DNER: variants seen among roughly 807,000 people sequenced by gnomAD.
The protein encoded by DNER is delta and Notch-like epidermal growth factor-related receptor.
Under a neutral mutation model 78.2 loss-of-function variants are expected in DNER, and 33 were observed. The ratio of observed to expected loss-of-function variants is 0.42; its 90% CI spans 0.32 to 0.56. The LOEUF is 0.56. DNER is among the 20% of genes least tolerant of loss of function. DNER has a pLI of 0.11. For missense variants in DNER, 918 were observed against 975.3 expected (o/e 0.94, Z 0.78); for synonymous variants, 417 against 384.8 (o/e 1.08, Z -0.98).
chr2:229,463,774 G>A (rs548185520), intron 7 of DNER, among the ~76,000 whole-genome samples: 14 of 152,300 alleles, frequency 9.2e-5, no homozygotes, highest in African/African-American at 2.2e-4. Context: ...ATTCTGCTGC[G>A]TAGCACGGGA....
intron 1 of DNER, among the ~76,000 whole-genome samples, chr2:229,668,534 GTGTA>G (rs1316686766): frequency 4.2e-3 from 21 of 4,970 alleles, no homozygotes; most frequent in South Asian, 0.021. Flanking sequence ...GTGTGTGTGT[GTGTA>G]TATATATATA....
At chr2:229,663,830 T>A (rs1323282778) in intron 1 of DNER, among the ~76,000 whole-genome samples, 1 of 152,130 alleles carries the variant, frequency 6.6e-6, no homozygotes, top group Non-Finnish European at 1.5e-5. Context: ...GGGTGCAATT[T>A]TTTTGTTGTT....
intron 1 of DNER, among the ~76,000 whole-genome samples, chr2:229,609,646 A>G (rs1415909089): frequency 6.6e-6 from 1 of 152,182 alleles, no homozygotes; most frequent in Non-Finnish European, 1.5e-5. Context: ...TAGGCCCTGA[A>G]TACATGCAAA....
chr2:229,619,585 A>G (rs1314572443), intron 1 of DNER, among the ~76,000 whole-genome samples: 1 of 152,214 alleles, frequency 6.6e-6, no homozygotes, highest in African/African-American at 2.4e-5. Context: ...ATTAATGCCC[A>G]AGATAATGCC....
At chr2:229,451,992 G>A (rs865845560) in intron 7 of DNER, among the ~76,000 whole-genome samples, 2 of 152,154 alleles carry the variant, frequency 1.3e-5, no homozygotes, top group Non-Finnish European at 1.5e-5. Flanking sequence ...GCTTTGGAGA[G>A]AGCCAATATT....
At chr2:229,527,325 C>T (rs970756082) in intron 5 of DNER, among the ~76,000 whole-genome samples, 2 of 152,160 alleles carry the variant, frequency 1.3e-5, no homozygotes, top group African/African-American at 4.8e-5. Context: ...CTCCCCAAAC[C>T]CAGATCCCTG....
chr2:229,642,674 G>T (rs1172872986), intron 1 of DNER, among the ~76,000 whole-genome samples: 1 of 152,194 alleles, frequency 6.6e-6, no homozygotes, highest in East Asian at 1.9e-4. Flanking sequence ...TGTGTAAAAA[G>T]TGCCCATATG....
chr2:229,468,161 C>T (rs1184863721), intron 7 of DNER, among the ~76,000 whole-genome samples: 1 of 152,258 alleles, frequency 6.6e-6, no homozygotes, highest in African/African-American at 2.4e-5. Flanking sequence ...TGTCCTTCTT[C>T]ATTCCTGGGC....
chr2:229,404,422 G>GAA (rs147948482), intron 10 of DNER, among the ~76,000 whole-genome samples: 55,043 of 151,844 alleles, frequency 0.36, 10,442 homozygotes, highest in African/African-American at 0.45. Flanking sequence ...GATCTCATGA[G>GAA]TACTCACTCA....
intron 1 of DNER, among the ~76,000 whole-genome samples, chr2:229,650,084 A>G (rs983029382): frequency 6.6e-6 from 1 of 151,720 alleles, no homozygotes; most frequent in African/African-American, 2.4e-5. Flanking sequence ...AAAAAAAAAA[A>G]AAAAAAAAGA....
At chr2:229,577,330 T>A (rs1345632549) in intron 4 of DNER, among the ~76,000 whole-genome samples, 2 of 152,122 alleles carry the variant, frequency 1.3e-5, no homozygotes, top group Non-Finnish European at 2.9e-5. Flanking sequence ...GGGCCTGACA[T>A]TATGAGAATG....
chr2:229,657,894 G>C (rs1023980243), intron 1 of DNER, among the ~76,000 whole-genome samples: 1 of 152,028 alleles, frequency 6.6e-6, no homozygotes, highest in African/African-American at 2.4e-5. Context: ...AGGGATACCT[G>C]CATTTCAAGG....
At chr2:229,387,718 A>G (rs57991051) in intron 11 of DNER, among the ~76,000 whole-genome samples, 1,916 of 152,228 alleles carry the variant, frequency 0.013, 40 homozygotes, top group African/African-American at 0.044. Context: ...AGTTCACCCT[A>G]AGAGATCACT....
At chr2:229,431,042 A>C (rs550595290) in intron 8 of DNER, among the ~76,000 whole-genome samples, 11 of 152,204 alleles carry the variant, frequency 7.2e-5, no homozygotes, top group Non-Finnish European at 1.0e-4. Flanking sequence ...AAGAAGAATT[A>C]TACTTTTTAA....
intron 1 of DNER, among the ~76,000 whole-genome samples, chr2:229,654,774 AG>A (rs1232480799): frequency 6.6e-6 from 1 of 152,184 alleles, no homozygotes; most frequent in African/African-American, 2.4e-5. Flanking sequence ...TGGCCAAATC[AG>A]AATGTCCTCA....
intron 6 of DNER, among the ~76,000 whole-genome samples, chr2:229,507,457 TA>T (rs1695769215): frequency 6.6e-6 from 1 of 152,236 alleles, no homozygotes; most frequent in African/African-American, 2.4e-5. Flanking sequence ...ATGGTAACAG[TA>T]AAATTCTTTT....
At chr2:229,539,554 T>A (rs1055522579) in intron 5 of DNER, among the ~76,000 whole-genome samples, 1 of 152,240 alleles carries the variant, frequency 6.6e-6, no homozygotes, top group Non-Finnish European at 1.5e-5. Context: ...TTACTTTCCA[T>A]GCTCCCATAT....
rs754893950 is a variant in DNER at position 229,407,239 on chromosome 2, C to T, written c.1716G>A (p.Gly572=). 1 of 1,608,208 alleles carries T rather than the reference C, an allele frequency of 6.2e-7. No individual in the cohort carries two copies. The highest frequency in any genetic ancestry group is 1.3e-5 in the African/African-American group (1 of 74,954). The change falls in exon 10 of 13, where the codon GGG becomes GGA. Residue 572 remains glycine (G), a synonymous_variant. Coordinates refer to ENST00000341772, the MANE Select transcript of DNER (RefSeq NM_139072.4). ...GLNGTCICAP[G]FTGEECDIDI... is the part of the protein sequence containing the mutation. ...GTCCCTGGAATCACTTGCCTGTAAA[C>T]CCGGGTGCACAGATGCACGTGCCAT...
At chr2:229,556,564 C>A (rs895699417) in intron 4 of DNER, among the ~76,000 whole-genome samples, 1 of 152,130 alleles carries the variant, frequency 6.6e-6, no homozygotes, top group African/African-American at 2.4e-5. Context: ...TTAAAGGCAA[C>A]CTTATGCACA....
Sources: gnomAD v4.1 joint callset for allele counts (sites outside exome capture counted in the v4.1 genomes callset) on GRCh38, gnomAD v4.1.1 for gene constraint, MANE v1.5 for transcripts, NCBI Gene and HGNC (gene_info 2026-07-23, HGNC 2026-07-21) for gene names.